The following STOX2 variants were observed in gnomAD, a reference collection of about 807,000 sequenced individuals.
The protein encoded by STOX2 is storkhead-box protein 2.
In STOX2, 28 loss-of-function variants were observed where a neutral mutation model predicts 60.9. The ratio of observed to expected loss-of-function variants is 0.46; its 90% confidence interval spans 0.34 to 0.63. STOX2 has a LOEUF of 0.63. STOX2 is among the 30% of genes least tolerant of loss of function. The probability of loss-of-function intolerance (pLI) is 0.01; values close to 1 mark genes in which losing one functional copy is unlikely to be tolerated. For synonymous variants in STOX2, 472 were observed against 463.9 expected (o/e 1.02, Z -0.22); for missense variants, 1,024 against 1,187.7 (o/e 0.86, Z 2.03).
chr4:183,972,945 T>C (rs1270232995), intron 1 of STOX2, among the ~76,000 whole-genome samples: 1 of 151,506 alleles, frequency 6.6e-6, no homozygotes, highest in Non-Finnish European at 1.5e-5. Flanking sequence ...TATATAATAA[T>C]CAAAAATAAA....
chr4:183,864,062 A>AT lies in STOX2; in HGVS notation c.364+66015dup, dbSNP rs199976911. On this transcript the variant is annotated intron_variant, in intron 1 of 2. Transcript: ENST00000513034. Reference sequence around the variant, plus strand: ...CCACACTTTAAAGTATGTGAATGTTATTTTTTTTAATAGTCTGTATTGCCT... The same window carrying AT: ...CCACACTTTAAAGTATGTGAATGTTATTTTTTTTTAATAGTCTGTATTGCCT... Among the ~76,000 whole-genome samples the AT allele has an allele frequency of 5.7e-4, 86 of 151,950 alleles. 2 individuals are homozygous for AT. The East Asian group carries it at 0.01, about 18-fold the overall frequency.
chr4:183,802,249 T>G (rs1019148574), intron 1 of STOX2, among the ~76,000 whole-genome samples: 1 of 152,260 alleles, frequency 6.6e-6, no homozygotes, highest in Non-Finnish European at 1.5e-5. Flanking sequence ...ACTTGTATTT[T>G]GCATTATAAA....
At chr4:183,844,339 C>G (rs547215558) in intron 1 of STOX2, among the ~76,000 whole-genome samples, 1 of 152,176 alleles carries the variant, frequency 6.6e-6, no homozygotes, top group African/African-American at 2.4e-5. Flanking sequence ...GGTTGCCTGA[C>G]ATTTGTAGCT....
chr4:184,008,835 T>A (rs1391880745), intron 2 of STOX2, among the ~76,000 whole-genome samples: 1 of 152,220 alleles, frequency 6.6e-6, no homozygotes, highest in Non-Finnish European at 1.5e-5. Flanking sequence ...TTTTCATTTT[T>A]CTCTCATTTA....
In STOX2 at chr4:183,865,438, G is replaced by C. The variant is rs1032831434; in HGVS notation, c.364+67383G>C. On this transcript the variant is annotated intron_variant, in intron 1 of 2. Coordinates refer to the STOX2 transcript ENST00000513034. The surrounding 1 kb of genome is among the most constrained non-coding windows in gnomAD (Gnocchi z 4.1). The stretch of plus-strand genomic sequence containing the variant: ...CCACAAACATATTAAGCACATAGAG[G>C]GTGTCAGCATCTATGAATAAAAAGC... 2.6e-5 allele frequency among the ~76,000 whole-genome samples: 4 copies of C among 152,018 alleles called. No individual in the cohort carries two copies. The highest frequency in any genetic ancestry group is 5.9e-5 in the Non-Finnish European group (4 of 68,016).
intron 1 of STOX2, among the ~76,000 whole-genome samples, chr4:183,843,944 T>C (rs1739928307): frequency 6.6e-6 from 1 of 152,236 alleles, no homozygotes; most frequent in Non-Finnish European, 1.5e-5. Context: ...GTTTATGTAG[T>C]GTAGGTGTAA....
At chr4:183,910,217 G>T (rs538880760) in intron 1 of STOX2, among the ~76,000 whole-genome samples, 2 of 152,194 alleles carry the variant, frequency 1.3e-5, no homozygotes, top group Non-Finnish European at 2.9e-5. Context: ...AAGAAGAAAA[G>T]GGATTGGACC....
intron 1 of STOX2, among the ~76,000 whole-genome samples, chr4:183,928,713 T>C (rs1379323723): frequency 6.6e-6 from 1 of 151,764 alleles, no homozygotes; most frequent in African/African-American, 2.4e-5. Flanking sequence ...AGGAGGGGAT[T>C]AACAACTTAG....
At chr4:183,827,752 C>T (rs992922120) in intron 1 of STOX2, among the ~76,000 whole-genome samples, 13 of 151,634 alleles carry the variant, frequency 8.6e-5, no homozygotes, top group African/African-American at 3.1e-4. Context: ...AGTGGTGTCA[C>T]GTGTCTGTAG....
intron 1 of STOX2, among the ~76,000 whole-genome samples, chr4:183,884,418 G>T (rs116455251): frequency 1.3e-5 from 2 of 151,924 alleles, no homozygotes; most frequent in Non-Finnish European, 2.9e-5. Flanking sequence ...CGGATGGATC[G>T]CTTGAGCTCA....
chr4:183,848,967 A>G (rs1177924082), intron 1 of STOX2, among the ~76,000 whole-genome samples: 2 of 152,118 alleles, frequency 1.3e-5, no homozygotes, highest in Non-Finnish European at 2.9e-5. Flanking sequence ...TTTAGGTTAC[A>G]TTTAGAGCTG....
At chr4:183,829,917 C>T (rs962571024) in intron 1 of STOX2, among the ~76,000 whole-genome samples, 1 of 152,186 alleles carries the variant, frequency 6.6e-6, no homozygotes, top group Non-Finnish European at 1.5e-5. Flanking sequence ...GCTGTGTGTG[C>T]TGGGTGTTTC....
intron 1 of STOX2, among the ~76,000 whole-genome samples, chr4:183,922,947 C>T (rs963891464): frequency 4.6e-5 from 7 of 152,178 alleles, no homozygotes; most frequent in African/African-American, 1.2e-4. Context: ...CATGTTGTAG[C>T]GTGTGTTGGA....
At position 183,821,210 on chromosome 4, in the gene STOX2, A is replaced by G. The variant is rs942963069; in HGVS notation, c.364+23155A>G. ...GATGCCAATCTAATATAGCATAACG[A>G]CTTAATTTTGCTCTTGAATTGTACA... On this transcript the variant is annotated intron_variant, in intron 1 of 2. Coordinates refer to the STOX2 transcript ENST00000513034. The surrounding 1 kb of genome is among the most constrained non-coding windows in gnomAD (Gnocchi z 4.2). Among the ~76,000 whole-genome samples, 2 of 152,170 alleles carry G rather than the reference A, an allele frequency of 1.3e-5. No homozygotes were observed. The highest frequency in any genetic ancestry group is 2.4e-5 in the African/African-American group (1 of 41,438).
intron 1 of STOX2, among the ~76,000 whole-genome samples, chr4:183,818,141 C>T (rs1487456231): frequency 4.0e-5 from 6 of 149,364 alleles, no homozygotes; most frequent in Non-Finnish European, 8.9e-5. Flanking sequence ...GTGTTTCTCG[C>T]AGAGGGGGAC....
intron 1 of STOX2, among the ~76,000 whole-genome samples, chr4:183,938,587 T>C (rs975676696): frequency 6.8e-6 from 1 of 147,042 alleles, no homozygotes; most frequent in Non-Finnish European, 1.5e-5. Context: ...GAGAATTGCT[T>C]GAACCCAGGA....
At chr4:183,899,004 G>A (rs936800344) in intron 1 of STOX2, among the ~76,000 whole-genome samples, 11 of 152,102 alleles carry the variant, frequency 7.2e-5, no homozygotes, top group East Asian at 1.9e-4. Context: ...CTCACGTTAC[G>A]TCTCTGTGTC....
chr4:183,812,904 C>T (rs1018885501), intron 1 of STOX2, among the ~76,000 whole-genome samples: 7 of 152,128 alleles, frequency 4.6e-5, no homozygotes, highest in African/African-American at 1.7e-4. Context: ...ATTGTCCAAG[C>T]ATTTCAATGA....
intron 1 of STOX2, among the ~76,000 whole-genome samples, chr4:183,855,862 C>T (rs1740274197): frequency 6.6e-6 from 1 of 152,244 alleles, no homozygotes; most frequent in Non-Finnish European, 1.5e-5. Flanking sequence ...TCCATCCTGG[C>T]TTCTTTTTGA....
Sources: allele counts gnomAD v4.1 joint callset (sites outside exome capture counted in the v4.1 genomes callset), GRCh38; gene constraint gnomAD v4.1.1; non-coding constraint Gnocchi (gnomAD v3.1); transcripts MANE v1.5; gene names NCBI Gene and HGNC (gene_info 2026-07-23, HGNC 2026-07-21).